The following SGSM1 variants were observed in gnomAD, a reference collection of about 807,000 sequenced individuals.
SGSM1 encodes the protein RUN and TBC1 domain containing 2.
A neutral mutation model predicts 133.8 loss-of-function variants in SGSM1; 73 were observed. That is an observed-to-expected ratio of 0.55 (90% CI 0.45 to 0.66). The LOEUF (loss-of-function observed/expected upper bound fraction) is 0.66. Ranked by LOEUF, SGSM1 falls within the 30% of genes least tolerant of loss-of-function variation. The probability of loss-of-function intolerance (pLI) is 0.00; values close to 1 mark genes in which losing one functional copy is unlikely to be tolerated. For synonymous variants in SGSM1, 563 were observed against 573.0 expected, an observed-to-expected ratio of 0.98 and a Z score of 0.25; for missense variants, 1,213 against 1,448.1, an observed-to-expected ratio of 0.84 and a Z score of 2.64.
chr22:24,876,555 C>T lies in SGSM1; in HGVS notation c.1292-22C>T, dbSNP rs370415002. ...AGGTTTAACCAGGGTGATTCTTCTG[C>T]CCCTCCTTCTATCCACCACAGTGCC... On this transcript the variant is annotated intron_variant, in intron 12 of 24. Transcript: ENST00000400358. 6.8e-6 allele frequency: 11 copies of T among 1,613,468 alleles called. No individual in the cohort carries two copies. In the African/African-American group the frequency reaches 8.0e-5, roughly 12 times the overall value.
intron 2 of SGSM1, among the ~76,000 whole-genome samples, chr22:24,824,614 A>AT (rs11373060): frequency 6.6e-6 from 1 of 151,978 alleles, no homozygotes; most frequent in African/African-American, 2.4e-5. Context: ...CAATGTCCTT[A>AT]ATCTGTTCCT....
At chr22:24,853,214 G>C (rs1175009347) in intron 5 of SGSM1, among the ~76,000 whole-genome samples, 2 of 152,202 alleles carry the variant, frequency 1.3e-5, no homozygotes, top group Non-Finnish European at 2.9e-5. Context: ...TCTCACTCCA[G>C]ATCCTGTGTC....
chr22:24,919,313 G>T (rs551165608), intron 23 of SGSM1, among the ~76,000 whole-genome samples: 1 of 152,176 alleles, frequency 6.6e-6, no homozygotes, highest in Non-Finnish European at 1.5e-5. Flanking sequence ...GCCTCCCAAA[G>T]TGCTGGGATT....
At chr22:24,838,600 G>T (rs186552836) in intron 2 of SGSM1, among the ~76,000 whole-genome samples, 209 of 152,276 alleles carry the variant, frequency 1.4e-3, no homozygotes, top group African/African-American at 4.7e-3. Context: ...TATCAAAAAG[G>T]ACAGTTTATG....
intron 12 of SGSM1, 147 bp from the exon 13 acceptor site, chr22:24,876,430 C>G: frequency 9.7e-7 from 1 of 1,027,876 alleles, no homozygotes; most frequent in Non-Finnish European, 1.4e-6. Flanking sequence ...ATGATTAGGG[C>G]TGCTGTTTCC....
chr22:24,861,575 C>T (rs1931155119), intron 9 of SGSM1, among the ~76,000 whole-genome samples: 3 of 151,408 alleles, frequency 2.0e-5, no homozygotes, highest in Admixed American at 2.0e-4. Flanking sequence ...TGAGACACTG[C>T]CTCGCTCTGT....
At chr22:24,909,456 T>TATC (rs1437414544) in intron 21 of SGSM1, among the ~76,000 whole-genome samples, 4 of 151,168 alleles carry the variant, frequency 2.6e-5, no homozygotes, top group Admixed American at 1.3e-4. Context: ...ATTTATTTAT[T>TATC]ATTATTATTA....
rs1226285004 is a variant in SGSM1 at position 24,926,980 on chromosome 22, C to T, written c.*2706C>T. 6.6e-6 allele frequency: 1 copy of T among 151,992 alleles called. No homozygotes were observed. The highest frequency in any genetic ancestry group is 1.5e-5 in the Non-Finnish European group (1 of 68,016). 9.4% of individuals were successfully genotyped at this position (151,992 alleles called of 1,614,324 possible). On this transcript the variant is annotated 3_prime_UTR_variant, in exon 25 of 25. Transcript: ENST00000400358. The stretch of plus-strand genomic sequence containing the variant: ...TTGTAATAGCTGCCTGGCCTTTTCC[C>T]AGAAAAGGTGAATCACTTCTGACTT...
intron 21 of SGSM1, among the ~76,000 whole-genome samples, chr22:24,910,568 G>A (rs1484021777): frequency 6.6e-6 from 1 of 152,110 alleles, no homozygotes; most frequent in Non-Finnish European, 1.5e-5. Context: ...GATTGCTTGA[G>A]CCCAGGAGTT....
chr22:24,836,269 C>T (rs1929421709), intron 2 of SGSM1, among the ~76,000 whole-genome samples: 1 of 152,214 alleles, frequency 6.6e-6, no homozygotes, highest in Non-Finnish European at 1.5e-5. Context: ...CGTATTTTGG[C>T]ATGTGTCAGA....
chr22:24,868,197 A>C (rs908864434), intron 10 of SGSM1, among the ~76,000 whole-genome samples, 179 bp from the exon 11 acceptor site: 1 of 152,140 alleles, frequency 6.6e-6, no homozygotes, highest in African/African-American at 2.4e-5. Flanking sequence ...GGATGAGATG[A>C]GAGAGACTCA....
chr22:24,856,014 TATCC>T (rs3062177), intron 8 of SGSM1: 147 of 461,720 alleles, frequency 3.2e-4, no homozygotes, highest in Middle Eastern at 6.4e-4. Flanking sequence ...TCTTTACATC[TATCC>T]ATCCATCCAT....
intron 2 of SGSM1, among the ~76,000 whole-genome samples, chr22:24,809,840 G>A (rs557475689): frequency 3.9e-5 from 6 of 152,318 alleles, no homozygotes; most frequent in African/African-American, 1.4e-4. Flanking sequence ...GAGGCACCCG[G>A]GGCTGCAAGA....
intron 2 of SGSM1, among the ~76,000 whole-genome samples, chr22:24,810,480 T>C (rs1399272246): frequency 6.6e-6 from 1 of 152,082 alleles, no homozygotes; most frequent in Non-Finnish European, 1.5e-5. Flanking sequence ...CTGCCAACCC[T>C]TAATTTTGTT....
chr22:24,920,977 C>G (rs1322286233), intron 24 of SGSM1, among the ~76,000 whole-genome samples: 1 of 152,122 alleles, frequency 6.6e-6, no homozygotes, highest in Non-Finnish European at 1.5e-5. Flanking sequence ...CACTAGTATC[C>G]TTTTTCTGTT....
At position 24,847,922 on chromosome 22, in the gene SGSM1, C is replaced by A. The variant is rs566633541; in HGVS notation, c.302+126C>A. On this transcript the variant is annotated intron_variant, in intron 4 of 24. Coordinates refer to ENST00000400358, the MANE Select transcript of SGSM1 (RefSeq NM_001098497.3). ...GTCTCCATCCTGCTTCTCAAACCCA[C>A]CAGACTCTTTCCCACCCCAGGGTCT... 35 of 1,303,252 alleles carry A rather than the reference C, an allele frequency of 2.7e-5. 1 individual carries two copies. The highest frequency in any genetic ancestry group is 3.6e-5 in the Non-Finnish European group (35 of 969,672). 80.7% of individuals were successfully genotyped at this position (1,303,252 alleles called of 1,614,324 possible).
chr22:24,822,216 G>C (rs1008079139), intron 2 of SGSM1, among the ~76,000 whole-genome samples: 1 of 148,262 alleles, frequency 6.7e-6, no homozygotes, highest in Non-Finnish European at 1.5e-5. Flanking sequence ...TCAGCCTCCC[G>C]AGTAGCTGGG....
At chr22:24,890,775 T>A (rs891040564) in intron 16 of SGSM1, among the ~76,000 whole-genome samples, 1 of 151,638 alleles carries the variant, frequency 6.6e-6, no homozygotes, top group East Asian at 1.9e-4. Context: ...AACTTCTGAC[T>A]TTGTGATCTG....
intron 16 of SGSM1, among the ~76,000 whole-genome samples, chr22:24,891,011 A>T (rs1932805900): frequency 6.6e-6 from 1 of 152,242 alleles, no homozygotes; most frequent in Non-Finnish European, 1.5e-5. Context: ...GAATAGAAGG[A>T]AACTATAAAA....
Sources: allele counts gnomAD v4.1 joint callset (sites outside exome capture counted in the v4.1 genomes callset), GRCh38; gene constraint gnomAD v4.1.1; transcripts MANE v1.5; gene names NCBI Gene and HGNC (gene_info 2026-07-23, HGNC 2026-07-21).